Variants in KANK1 observed in about 807,000 individuals in gnomAD.
KANK1 encodes KN motif and ankyrin repeat domains 1.
KANK1 carries 109 observed loss-of-function variants against 106.2 expected under a neutral mutation model. The observed-to-expected ratio is 1.03, with a 90% CI of 0.88 to 1.20. The LOEUF (loss-of-function observed/expected upper bound fraction) is 1.20. Ranked by LOEUF, KANK1 falls within the 50% of genes most tolerant of loss-of-function variation. The pLI is 0.00. For missense variants in KANK1, 2,399 were observed against 1,710.7 expected (o/e 1.40, Z -7.10); for synonymous variants, 873 against 652.2 (o/e 1.34, Z -5.16).
At chr9:576,304 C>T (rs963126905) in intron 1 of KANK1, among the ~76,000 whole-genome samples, 1 of 152,146 alleles carries the variant, frequency 6.6e-6, no homozygotes, top group Non-Finnish European at 1.5e-5. Context: ...CCCTTGGGTC[C>T]TGAGTGTATA....
chr9:690,150 A>AAAAC (rs1169173621), intron 2 of KANK1, among the ~76,000 whole-genome samples: 1 of 149,342 alleles, frequency 6.7e-6, no homozygotes, highest in South Asian at 2.1e-4. Flanking sequence ...AAAAAAAAAA[A>AAAAC]AAAAAACTAG....
At position 711,085 on chromosome 9, in the gene KANK1, C is replaced by G. The variant is rs2130902808; in HGVS notation, c.319C>G (p.Leu107Val). ...TGACAACAAGCAGTGCCCCAACTTC[C>G]TCATAGCCAGAAGTCAAGTTACATC... Reference protein sequence around the residue: ...SDDNKQCPNFLIARSQVTSTP... With the variant: ...SDDNKQCPNFVIARSQVTSTP... Residue 107 changes from leucine to valine, a missense_variant, in exon 3 of 12, where the codon CTC (leucine) becomes GTC (valine). Coordinates refer to ENST00000382297, the MANE Select transcript of KANK1 (RefSeq NM_015158.5). 1.2e-6 allele frequency: 2 copies of G among 1,614,180 alleles called. No homozygotes were observed. The highest frequency in any genetic ancestry group is 8.5e-7 in the Non-Finnish European group (1 of 1,180,046).
intron 1 of KANK1, among the ~76,000 whole-genome samples, chr9:622,747 C>G (rs1348884280): frequency 6.6e-6 from 1 of 151,766 alleles, no homozygotes; most frequent in Non-Finnish European, 1.5e-5. Context: ...ACTAAAAATA[C>G]AAAAAATGAG....
chr9:662,741 A>C (rs1254249256), intron 1 of KANK1, among the ~76,000 whole-genome samples: 4 of 149,378 alleles, frequency 2.7e-5, no homozygotes, highest in Non-Finnish European at 5.9e-5. Flanking sequence ...AGCTCACTGC[A>C]ATCTCCACCT....
intron 1 of KANK1, among the ~76,000 whole-genome samples, chr9:608,037 T>TTA: frequency 8.7e-6 from 1 of 114,866 alleles, no homozygotes. Context: ...TATTATTATT[T>TTA]TTTTTTTTTT....
At chr9:733,187 G>T (rs939781596) in intron 6 of KANK1, 1 of 152,198 alleles carries the variant, frequency 6.6e-6, no homozygotes, top group African/African-American at 2.4e-5. Context: ...TGAAATATGT[G>T]CCTCAGAATG....
rs938282404 is a variant in KANK1 at position 647,544 on chromosome 9, A to C, written c.-83-29346A>C. 8.6e-5 allele frequency among the ~76,000 whole-genome samples: 13 copies of C among 150,852 alleles called. 1 individual carries two copies. The highest frequency in any genetic ancestry group is 3.2e-4 in the African/African-American group (13 of 40,182). On this transcript the variant is annotated intron_variant, in intron 1 of 11. Coordinates refer to ENST00000382297, the MANE Select transcript of KANK1 (RefSeq NM_015158.5). ...GTATAGTCTTTCATCTTACGAAAAT[A>C]TATTTAATCCCCACTCTTTTTTAAG...
intron 1 of KANK1, among the ~76,000 whole-genome samples, chr9:512,229 T>TAG (rs1373556041): frequency 8.3e-6 from 1 of 120,654 alleles, no homozygotes; most frequent in African/African-American, 5.1e-5. Context: ...ACATAACCAA[T>TAG]AGTGTGTGTG....
At chr9:582,477 C>G (rs1217054746) in intron 1 of KANK1, among the ~76,000 whole-genome samples, 1 of 152,134 alleles carries the variant, frequency 6.6e-6, no homozygotes, top group Admixed American at 6.5e-5. Flanking sequence ...AACTCATCTA[C>G]CAGCCTCACT....
intron 1 of KANK1, among the ~76,000 whole-genome samples, chr9:520,886 G>A (rs2026075): frequency 0.7 from 105,708 of 151,452 alleles, 37,470 homozygotes; most frequent in South Asian, 0.74. Context: ...TCTTGATTTT[G>A]CATGCATTGT....
chr9:593,238 ATTC>A lies in KANK1; in HGVS notation c.-83-83649_-83-83647del, dbSNP rs1398076842. 2.0e-5 allele frequency among the ~76,000 whole-genome samples: 3 copies of A among 151,872 alleles called. 1 individual carries two copies. The highest frequency in any genetic ancestry group is 7.3e-5 in the African/African-American group (3 of 41,168). ...TTTGGTTTGGAAAATATGGATTATT[ATTC>A]TTTTCCTTATTTTAACTCTGAAAAT... On this transcript the variant is annotated intron_variant, in intron 1 of 11. Transcript: ENST00000382297.
chr9:579,320 C>T (rs1192675727), intron 1 of KANK1, among the ~76,000 whole-genome samples: 1 of 152,058 alleles, frequency 6.6e-6, no homozygotes, highest in Non-Finnish European at 1.5e-5. Context: ...CTTCTAGGAA[C>T]AAAACAAACT....
intron 1 of KANK1, among the ~76,000 whole-genome samples, chr9:599,766 T>C (rs1009255370): frequency 1.3e-5 from 2 of 151,894 alleles, no homozygotes; most frequent in East Asian, 1.9e-4. Flanking sequence ...ACTTTTCATA[T>C]ACGCAGGTTC....
At chr9:719,311 G>A (rs1828674049) in intron 3 of KANK1, among the ~76,000 whole-genome samples, 1 of 152,074 alleles carries the variant, frequency 6.6e-6, no homozygotes, top group Admixed American at 6.6e-5. Flanking sequence ...AGATCCCTTT[G>A]AATTTTTAGT....
chr9:649,347 C>T (rs1234963244), intron 1 of KANK1, among the ~76,000 whole-genome samples: 2 of 152,082 alleles, frequency 1.3e-5, no homozygotes, highest in African/African-American at 2.4e-5. Flanking sequence ...CCCTCGAAAG[C>T]GTCCCAATTT....
At chr9:503,070 G>T (rs1026564421), upstream of KANK1, among the ~76,000 whole-genome samples, 2 of 143,244 alleles carry the variant, frequency 1.4e-5, no homozygotes, top group African/African-American at 5.2e-5. Context: ...AACTCCTGGG[G>T]TCAACTGATC....
At chr9:503,015 T>G (rs1179810070), upstream of KANK1, among the ~76,000 whole-genome samples, 1 of 149,070 alleles carries the variant, frequency 6.7e-6, no homozygotes, top group Admixed American at 6.7e-5. Flanking sequence ...TTTTTTTTTT[T>G]TTTTTTTTTT....
chr9:667,858 A>G (rs1343347272), intron 1 of KANK1, among the ~76,000 whole-genome samples: 5 of 151,530 alleles, frequency 3.3e-5, no homozygotes, highest in African/African-American at 7.3e-5. Context: ...CAGCCTCCCA[A>G]GTAGCTGGGA....
intron 1 of KANK1, among the ~76,000 whole-genome samples, chr9:587,448 G>C (rs1039921382): frequency 2.6e-5 from 4 of 152,056 alleles, no homozygotes; most frequent in Non-Finnish European, 5.9e-5. Context: ...TACATCAAAA[G>C]GAGTATTAAG....
Sources: allele counts gnomAD v4.1 joint callset (sites outside exome capture counted in the v4.1 genomes callset), GRCh38; gene constraint gnomAD v4.1.1; transcripts MANE v1.5; gene names NCBI Gene and HGNC (gene_info 2026-07-23, HGNC 2026-07-21).